Variants in RPH3A observed in about 807,000 individuals in gnomAD.
RPH3A encodes rabphilin 3A.
Under a neutral mutation model 102.2 loss-of-function variants are expected in RPH3A, and 48 were observed. The observed-to-expected ratio is 0.47, with a 90% CI of 0.37 to 0.60. The LOEUF is 0.60. Ranked by LOEUF, RPH3A falls within the 20% of genes least tolerant of loss-of-function variation. The pLI, the probability that RPH3A is intolerant of heterozygous loss-of-function variation, is 0.00. For synonymous variants in RPH3A, 310 were observed against 324.3 expected (o/e 0.96, Z 0.47); for missense variants, 781 against 910.1 (o/e 0.86, Z 1.83).
At chr12:112,818,156 C>T (rs540467794) in intron 2 of RPH3A, among the ~76,000 whole-genome samples, 231 of 151,880 alleles carry the variant, frequency 1.5e-3, no homozygotes, top group African/African-American at 5.3e-3. Flanking sequence ...AAAAATTAGC[C>T]GGGCACAGTG....
intron 5 of RPH3A, among the ~76,000 whole-genome samples, chr12:112,850,076 A>G (rs1457713276): frequency 6.6e-6 from 1 of 152,156 alleles, no homozygotes; most frequent in Non-Finnish European, 1.5e-5. Flanking sequence ...GTGGCAGAGC[A>G]TTGTGGTTAA....
At chr12:112,798,298 G>A (rs751775287) in intron 2 of RPH3A, among the ~76,000 whole-genome samples, 2 of 152,148 alleles carry the variant, frequency 1.3e-5, no homozygotes, top group Admixed American at 6.5e-5. Flanking sequence ...ATGATGTTTG[G>A]TTCATGAAGG....
At chr12:112,687,065 C>T (rs749599108) in intron 1 of RPH3A, among the ~76,000 whole-genome samples, 5 of 152,194 alleles carry the variant, frequency 3.3e-5, no homozygotes, top group African/African-American at 7.2e-5. Flanking sequence ...CAGTGAACTA[C>T]GATTGCACCA....
At chr12:112,786,257 T>C (rs73425026) in intron 1 of RPH3A, among the ~76,000 whole-genome samples, 5,420 of 152,302 alleles carry the variant, frequency 0.036, 295 homozygotes, top group African/African-American at 0.12. Flanking sequence ...CAAGTCCTAC[T>C]GTGTCTTTTC....
At chr12:112,772,219 C>T (rs1331052621) in intron 1 of RPH3A, among the ~76,000 whole-genome samples, 1 of 152,200 alleles carries the variant, frequency 6.6e-6, no homozygotes, top group East Asian at 1.9e-4. Flanking sequence ...CGGCAAGTCA[C>T]CCAATTCCTC....
At chr12:112,859,027 C>T (rs778103781) in intron 5 of RPH3A, among the ~76,000 whole-genome samples, 4 of 152,192 alleles carry the variant, frequency 2.6e-5, no homozygotes, top group Non-Finnish European at 5.9e-5. Context: ...GTGTCAGCCA[C>T]TTACAGGGTT....
At chr12:112,752,902 T>C (rs1207633905) in intron 1 of RPH3A, among the ~76,000 whole-genome samples, 1 of 151,814 alleles carries the variant, frequency 6.6e-6, no homozygotes, top group African/African-American at 2.4e-5. Context: ...TTCCCATCAT[T>C]GAGACTGTAT....
chr12:112,699,775 T>G (rs2136028173), intron 1 of RPH3A, among the ~76,000 whole-genome samples: 1 of 152,340 alleles, frequency 6.6e-6, no homozygotes, highest in Non-Finnish European at 1.5e-5. Flanking sequence ...TCAATAAGGT[T>G]GATATAAAAG....
At chr12:112,841,129 G>A (rs976247316) in intron 4 of RPH3A, among the ~76,000 whole-genome samples, 22 of 123,348 alleles carry the variant, frequency 1.8e-4, no homozygotes, top group African/African-American at 6.7e-4. Context: ...GATTGCTTAA[G>A]CCCAGAAGCT....
intron 5 of RPH3A, among the ~76,000 whole-genome samples, chr12:112,864,318 G>A (rs2042570978): frequency 6.6e-6 from 1 of 152,150 alleles, no homozygotes; most frequent in Non-Finnish European, 1.5e-5. Flanking sequence ...CAGCATGGCA[G>A]TGTGTGCCTG....
chr12:112,615,375 C>G (rs76136395), intron 1 of RPH3A, among the ~76,000 whole-genome samples: 2,339 of 152,294 alleles, frequency 0.015, 62 homozygotes, highest in African/African-American at 0.054. Flanking sequence ...CCCACACGCA[C>G]TGCCAGCCCT....
chr12:112,764,259 G>A (rs946625487), intron 1 of RPH3A, among the ~76,000 whole-genome samples: 2 of 152,236 alleles, frequency 1.3e-5, no homozygotes, highest in Non-Finnish European at 2.9e-5. Flanking sequence ...TTGAGATTAA[G>A]AAAGAATGCA....
chr12:112,888,554 C>A (rs186911200), intron 17 of RPH3A, among the ~76,000 whole-genome samples: 1 of 152,186 alleles, frequency 6.6e-6, no homozygotes, highest in Non-Finnish European at 1.5e-5. Flanking sequence ...TAACCTGAGG[C>A]AAATTATTTA....
At chr12:112,667,411 C>G (rs2040091426) in intron 1 of RPH3A, among the ~76,000 whole-genome samples, 1 of 152,118 alleles carries the variant, frequency 6.6e-6, no homozygotes, top group East Asian at 1.9e-4. Context: ...AAGTGTTCAT[C>G]TTGGCAAATG....
chr12:112,875,791 A>C (rs1295752602), intron 12 of RPH3A, 50 bp downstream of exon 12: 1 of 1,530,002 alleles, frequency 6.5e-7, no homozygotes, highest in Non-Finnish European at 9.0e-7. Context: ...CCTCTCCCCT[A>C]CCTCCCTGAG....
At chr12:112,582,600 C>T (rs1458648857) in intron 1 of RPH3A, among the ~76,000 whole-genome samples, 1 of 145,038 alleles carries the variant, frequency 6.9e-6, no homozygotes, top group Non-Finnish European at 1.5e-5. Flanking sequence ...GCGTGTACCA[C>T]CATGTCCAGC....
At chr12:112,872,843 G>A (rs16942296) in intron 10 of RPH3A, among the ~76,000 whole-genome samples, 2,873 of 152,220 alleles carry the variant, frequency 0.019, 113 homozygotes, top group African/African-American at 0.065. Context: ...GTAAATATTC[G>A]TCTTGTCTAG....
At chr12:112,587,971 T>C (rs565304759) in intron 1 of RPH3A, among the ~76,000 whole-genome samples, 1 of 152,308 alleles carries the variant, frequency 6.6e-6, no homozygotes, top group South Asian at 2.1e-4. Flanking sequence ...ATCTAGATTA[T>C]AATCTTCTTG....
chr12:112,815,752 C>A (rs1055925240), intron 2 of RPH3A, among the ~76,000 whole-genome samples: 1 of 152,148 alleles, frequency 6.6e-6, no homozygotes, highest in Non-Finnish European at 1.5e-5. Flanking sequence ...AATATGGAGA[C>A]CTGTCTAATC....
Sources: allele counts gnomAD v4.1 joint callset (sites outside exome capture counted in the v4.1 genomes callset), GRCh38; gene constraint gnomAD v4.1.1; transcripts MANE v1.5; gene names NCBI Gene and HGNC (gene_info 2026-07-23, HGNC 2026-07-21).